The following RAB33B variants were observed in gnomAD, a reference collection of about 807,000 sequenced individuals.
RAB33B encodes the protein ras-related protein Rab-33B.
Under a neutral mutation model 15.0 loss-of-function variants are expected in RAB33B, and 6 were observed. The observed-to-expected ratio is 0.40, with a 90% confidence interval of 0.22 to 0.79. The LOEUF (loss-of-function observed/expected upper bound fraction) is 0.79. Ranked by LOEUF, RAB33B falls within the 30% of genes least tolerant of loss-of-function variation. RAB33B has a pLI of 0.37. For missense variants in RAB33B, 257 were observed against 296.4 expected (o/e 0.87, Z 0.98); for synonymous variants, 117 against 108.3 (o/e 1.08, Z -0.50).
the RAB33B span, among the ~76,000 whole-genome samples, chr4:139,439,024 T>A: frequency 8.5e-5 from 13 of 152,178 alleles, no homozygotes; most frequent in Non-Finnish European, 8.8e-5. Flanking sequence ...TCTTTTATTT[T>A]TTTTTTGACA....
chr4:139,458,527 T>C (rs543070944), intron 1 of RAB33B, among the ~76,000 whole-genome samples: 1 of 152,372 alleles, frequency 6.6e-6, no homozygotes, highest in East Asian at 1.9e-4. Context: ...TGGTTTTCTG[T>C]TCCTGCATTA....
chr4:139,445,510 G>A, the RAB33B span, among the ~76,000 whole-genome samples: 2 of 152,236 alleles, frequency 1.3e-5, no homozygotes, highest in Admixed American at 6.5e-5. Flanking sequence ...GGGTCCAGTA[G>A]TGTGGGTCCT....
chr4:139,473,241 G>C lies in RAB33B; in HGVS notation c.*115G>C. The C allele has an allele frequency of 1.1e-6, 1 of 915,516 alleles. No individual in the cohort carries two copies. The highest frequency in any genetic ancestry group is 1.6e-6 in the Non-Finnish European group (1 of 627,472). The allele number at this position is 915,516 out of a possible 1,614,324, so 56.7% of individuals were successfully genotyped here. A position where few individuals can be genotyped will look rare whatever the true frequency, so the allele number is the denominator to read the frequency against. ...TAATGGGTCATCTTGACACTTTGCT[G>C]TTTGTCATTGTCACGCTTTTGTATT... On this transcript the variant is annotated 3_prime_UTR_variant, in exon 2 of 2. Coordinates refer to ENST00000305626, the MANE Select transcript of RAB33B (RefSeq NM_031296.3).
At position 139,476,042 on chromosome 4, in the gene RAB33B, C is replaced by A. The variant is rs1337796070; in HGVS notation, c.*2916C>A. 6.6e-6 allele frequency: 1 copy of A among 152,112 alleles called. No homozygotes were observed. The highest frequency in any genetic ancestry group is 2.4e-5 in the African/African-American group (1 of 41,410). 9.4% of individuals were successfully genotyped at this position (152,112 alleles called of 1,614,324 possible). On this transcript the variant is annotated 3_prime_UTR_variant, in exon 2 of 2. Coordinates refer to ENST00000305626, the MANE Select transcript of RAB33B (RefSeq NM_031296.3). ...TTTGAAAACAACAAAAAGCCCCCAA[C>A]CCATTGGACAATTATTTTCTTGTAT...
upstream of RAB33B, chr4:139,453,293 G>C (rs1749970478): frequency 6.6e-6 from 1 of 152,144 alleles, no homozygotes; most frequent in African/African-American, 2.4e-5. Context: ...GGATCACGCG[G>C]ATATTCTTGG....
upstream of RAB33B, chr4:139,449,499 C>T (rs1749882983): frequency 6.6e-6 from 1 of 152,100 alleles, no homozygotes; most frequent in Non-Finnish European, 1.5e-5. Context: ...GGCAGACCCA[C>T]CCTTAATCTG....
At chr4:139,462,345 G>A (rs990278794) in intron 1 of RAB33B, among the ~76,000 whole-genome samples, 3 of 152,034 alleles carry the variant, frequency 2.0e-5, no homozygotes, top group East Asian at 1.9e-4. Flanking sequence ...GAGCCACCGC[G>A]CCCGGCCATG....
At chr4:139,439,707 A>G in the RAB33B span, among the ~76,000 whole-genome samples, 1 of 152,020 alleles carries the variant, frequency 6.6e-6, no homozygotes, top group Non-Finnish European at 1.5e-5. Flanking sequence ...CTGCTTTCAC[A>G]TTTCTTCAAT....
the RAB33B span, among the ~76,000 whole-genome samples, chr4:139,441,056 T>G: frequency 2.0e-5 from 3 of 152,196 alleles, no homozygotes; most frequent in Non-Finnish European, 4.4e-5. Flanking sequence ...AGTTGCTAGG[T>G]TGGCTAAGTG....
intron 1 of RAB33B, among the ~76,000 whole-genome samples, chr4:139,461,502 G>A (rs1193510171): frequency 6.6e-6 from 1 of 152,158 alleles, no homozygotes; most frequent in East Asian, 1.9e-4. Flanking sequence ...ATAAGGGCAT[G>A]TAAAGGACTT....
At chr4:139,464,898 A>G (rs1750252569) in intron 1 of RAB33B, among the ~76,000 whole-genome samples, 1 of 152,252 alleles carries the variant, frequency 6.6e-6, no homozygotes, top group Non-Finnish European at 1.5e-5. Flanking sequence ...CTTTGGGTAT[A>G]TACCCAGTAA....
Position 139,454,402 on chromosome 4 carries a change from T to A in RAB33B, c.207T>A (p.Asp69Glu), listed in dbSNP as rs1212883458. The A allele has an allele frequency of 1.2e-6, 2 of 1,612,918 alleles. No individual in the cohort carries two copies. Among genetic ancestry groups the A allele is most frequent in the Non-Finnish European group, 1.7e-6 (2 of 1,179,984 alleles). ...GCACCGAGGCCACGATAGGGGTGGATTTCCGAGAACGAGCGGTGGAGATTG... is the reference window on the plus strand; with the variant it reads ...GCACCGAGGCCACGATAGGGGTGGAATTCCGAGAACGAGCGGTGGAGATTG... ...PDRTEATIGV[D>E]FRERAVEIDG... The change falls in exon 1 of 2, where the codon GAT becomes GAA. Residue 69 changes from aspartate (D) to glutamate (E), a missense_variant. Asp to Glu is a conservative substitution (Grantham distance 45). Transcript: ENST00000305626.
intron 1 of RAB33B, among the ~76,000 whole-genome samples, chr4:139,468,719 G>C (rs182400953): frequency 6.6e-6 from 1 of 152,274 alleles, no homozygotes; most frequent in Admixed American, 6.5e-5. Flanking sequence ...TTGAAGTGCT[G>C]CCTTCAGCAT....
Position 139,454,290 on chromosome 4 carries a change from G to GCATCTT in RAB33B, c.98_103dup (p.Ile33_Phe34dup). 1.2e-6 allele frequency: 2 copies of GCATCTT among 1,614,130 alleles called. No homozygotes were observed. Among genetic ancestry groups the GCATCTT allele is most frequent in the Non-Finnish European group, 1.7e-6 (2 of 1,180,020 alleles). The stretch of plus-strand genomic sequence containing the variant: ...GGGTTTTTGCCTCCTGCCCGCTCCC[G>GCATCTT]CATCTTCAAGATAATCGTGATCGGC... On this transcript the variant is annotated inframe_insertion, in exon 1 of 2. Coordinates refer to ENST00000305626, the MANE Select transcript of RAB33B (RefSeq NM_031296.3).
chr4:139,447,659 T>G, the RAB33B span, among the ~76,000 whole-genome samples: 1 of 65,318 alleles, frequency 1.5e-5, no homozygotes, highest in Non-Finnish European at 3.1e-5. Context: ...AGTCTACTAC[T>G]TTTTTTTTTT....
chr4:139,468,714 G>A (rs1750337016), intron 1 of RAB33B, among the ~76,000 whole-genome samples: 3 of 152,198 alleles, frequency 2.0e-5, no homozygotes, highest in Admixed American at 2.0e-4. Context: ...TCTGATTGAA[G>A]TGCTGCCTTC....
At chr4:139,472,306 G>A (rs1750407599) in intron 1 of RAB33B, among the ~76,000 whole-genome samples, 1 of 152,104 alleles carries the variant, frequency 6.6e-6, no homozygotes, top group South Asian at 2.1e-4. Context: ...AATTAGACTA[G>A]TGAAAGGTAA....
rs940286339 is a variant in RAB33B, at chr4:139,456,598, T to G, written c.249+2154T>G. ...GGAAGAGCAAGGAGATGATATTTTT[T>G]GGGGAGATTATTTCTACTGAACTTT... On this transcript the variant is annotated intron_variant, in intron 1 of 1. Coordinates refer to ENST00000305626, the MANE Select transcript of RAB33B (RefSeq NM_031296.3). Among the ~76,000 whole-genome samples, 4 of 152,336 alleles carry G rather than the reference T, an allele frequency of 2.6e-5. No individual in the cohort carries two copies. The East Asian group carries it at 5.8e-4, about 22-fold the overall frequency.
At chr4:139,446,784 C>T in the RAB33B span, among the ~76,000 whole-genome samples, 5 of 152,140 alleles carry the variant, frequency 3.3e-5, no homozygotes, top group East Asian at 1.9e-4. Flanking sequence ...CATATGGGCT[C>T]GGGAACATGG....
Sources: allele counts gnomAD v4.1 joint callset (sites outside exome capture counted in the v4.1 genomes callset), GRCh38; gene constraint gnomAD v4.1.1; transcripts MANE v1.5; gene names NCBI Gene and HGNC (gene_info 2026-07-23, HGNC 2026-07-21).